The following RNFT2 variants were observed in gnomAD, a reference collection of about 807,000 sequenced individuals.
RNFT2 encodes the protein ring finger protein, transmembrane 2.
Under a neutral mutation model 53.0 loss-of-function variants are expected in RNFT2, and 36 were observed. That is an observed-to-expected ratio of 0.68 (90% confidence interval 0.52 to 0.90). The LOEUF (loss-of-function observed/expected upper bound fraction) is 0.90, where lower values mean the gene tolerates loss of function less well. Ranked by LOEUF, RNFT2 falls within the 40% of genes least tolerant of loss-of-function variation. The pLI is 0.00. For missense variants in RNFT2, 514 were observed against 585.6 expected (o/e 0.88, Z 1.26); for synonymous variants, 260 against 253.2 (o/e 1.03, Z -0.26).
intron 5 of RNFT2, chr12:116,755,730 G>C (rs1872478510): frequency 6.7e-7 from 1 of 1,485,506 alleles, no homozygotes; most frequent in Non-Finnish European, 9.3e-7. Context: ...ATTCCTTTTT[G>C]AACAGTACCC....
chr12:116,776,294 A>G (rs1379771984), intron 6 of RNFT2, among the ~76,000 whole-genome samples: 1 of 152,152 alleles, frequency 6.6e-6, no homozygotes, highest in Admixed American at 6.5e-5. Flanking sequence ...CCAAGATAAA[A>G]TGGAAAGGAT....
chr12:116,799,752 G>T (rs1001214695), intron 7 of RNFT2, among the ~76,000 whole-genome samples: 1 of 151,790 alleles, frequency 6.6e-6, no homozygotes, highest in Non-Finnish European at 1.5e-5. Flanking sequence ...AGGTCACCTC[G>T]TGTCTACTAA....
chr12:116,823,580 T>A (rs1220500859), intron 7 of RNFT2, among the ~76,000 whole-genome samples: 3 of 152,078 alleles, frequency 2.0e-5, no homozygotes, highest in Non-Finnish European at 4.4e-5. Flanking sequence ...GCTACTCTGG[T>A]GGCTGAGGCA....
rs937273256 is a variant in RNFT2 at position 116,745,150 on chromosome 12, G to A, written c.83+4056G>A. Among the ~76,000 whole-genome samples, 11 of 150,602 alleles carry A rather than the reference G, an allele frequency of 7.3e-5. No individual in the cohort carries two copies. The South Asian group carries it at 1.1e-3, about 14-fold the overall frequency. On this transcript the variant is annotated intron_variant, in intron 3 of 10. Transcript: ENST00000257575. ...GCTTGGTGAGGGAGGGAATCCAATC[G>A]TGAGTTTCCTCCATTGCACCAGATT...
chr12:116,849,640 G>A lies in RNFT2; in HGVS notation c.*192G>A. On this transcript the variant is annotated 3_prime_UTR_variant, in exon 11 of 11. Transcript: ENST00000257575. ...TCTTCCTCTCTCGTTCTGTGGTATA[G>A]TGCGTGCCTCCTTCCCCTGCAAAAG... The A allele has an allele frequency of 7.6e-7, 1 of 1,324,338 alleles. No homozygotes were observed. Among genetic ancestry groups the A allele is most frequent in the East Asian group, 2.7e-5 (1 of 37,510 alleles). 82.0% of individuals were successfully genotyped at this position (1,324,338 alleles called of 1,614,324 possible).
In RNFT2 at chr12:116,784,634, G is replaced by A. The variant is rs114097274; in HGVS notation, c.882+5286G>A. ...TTCTCATTGTTCTAGATCTCAGAGT[G>A]TAGCACCTCCCTCCACCCCACTGTT... On this transcript the variant is annotated intron_variant, in intron 7 of 10. Coordinates refer to ENST00000257575, the MANE Select transcript of RNFT2 (RefSeq NM_001382266.1). Among the ~76,000 whole-genome samples the A allele has an allele frequency of 2.1e-3, 315 of 152,214 alleles. 1 individual carries two copies. The highest frequency in any genetic ancestry group is 6.9e-3 in the African/African-American group (285 of 41,542).
At chr12:116,805,678 T>A (rs1875012729) in intron 7 of RNFT2, among the ~76,000 whole-genome samples, 1 of 152,176 alleles carries the variant, frequency 6.6e-6, no homozygotes, top group Admixed American at 6.5e-5. Context: ...TTTGCCATGT[T>A]GGCCAGGCTG....
intron 7 of RNFT2, among the ~76,000 whole-genome samples, chr12:116,785,006 G>A (rs1180234835): frequency 1.3e-5 from 2 of 152,082 alleles, no homozygotes; most frequent in Non-Finnish European, 2.9e-5. Context: ...AGCTCCACAG[G>A]TGAGGCTACA....
intron 7 of RNFT2, among the ~76,000 whole-genome samples, chr12:116,828,829 AT>A (rs1876485265): frequency 6.6e-6 from 1 of 152,092 alleles, no homozygotes; most frequent in East Asian, 1.9e-4. Flanking sequence ...GGTGCACTGA[AT>A]GTAGGGAAGA....
At chr12:116,795,771 G>C (rs1237939927) in intron 7 of RNFT2, among the ~76,000 whole-genome samples, 1 of 152,228 alleles carries the variant, frequency 6.6e-6, no homozygotes, top group Non-Finnish European at 1.5e-5. Flanking sequence ...TGTTCAGGGA[G>C]ACAGCACTGC....
intron 10 of RNFT2, among the ~76,000 whole-genome samples, chr12:116,842,932 T>C (rs1877424659): frequency 6.6e-6 from 1 of 152,120 alleles, no homozygotes; most frequent in African/African-American, 2.4e-5. Flanking sequence ...CTCACCTGCA[T>C]TCATCCACCT....
intron 4 of RNFT2, among the ~76,000 whole-genome samples, chr12:116,751,716 GTTA>G (rs1335634697): frequency 6.6e-6 from 1 of 151,948 alleles, no homozygotes; most frequent in Non-Finnish European, 1.5e-5. Flanking sequence ...TACTGTTATT[GTTA>G]TTATTAATCT....
At chr12:116,815,239 G>A (rs1420259994) in intron 7 of RNFT2, among the ~76,000 whole-genome samples, 6 of 152,214 alleles carry the variant, frequency 3.9e-5, no homozygotes, top group Non-Finnish European at 7.3e-5. Flanking sequence ...CTCCAGCCAT[G>A]CCATCCTGAC....
At chr12:116,807,105 G>A (rs1481825519) in intron 7 of RNFT2, among the ~76,000 whole-genome samples, 1 of 152,160 alleles carries the variant, frequency 6.6e-6, no homozygotes, top group Non-Finnish European at 1.5e-5. Context: ...ATGGCCCTAA[G>A]CAAAGATTGA....
chr12:116,829,606 G>A (rs900836422), intron 7 of RNFT2, among the ~76,000 whole-genome samples: 3 of 152,146 alleles, frequency 2.0e-5, no homozygotes, highest in Admixed American at 6.5e-5. Context: ...CCATCAAGAT[G>A]GAATATAAAA....
chr12:116,770,239 C>T (rs1873114005), intron 6 of RNFT2, among the ~76,000 whole-genome samples: 2 of 152,294 alleles, frequency 1.3e-5, no homozygotes, highest in South Asian at 4.1e-4. Flanking sequence ...AGTGTTTTTA[C>T]TGTGCCCTTT....
At chr12:116,776,681 T>G (rs1192656951) in intron 6 of RNFT2, among the ~76,000 whole-genome samples, 1 of 152,222 alleles carries the variant, frequency 6.6e-6, no homozygotes, top group Non-Finnish European at 1.5e-5. Flanking sequence ...AGCTGAGTAT[T>G]TCCAAAGCAT....
chr12:116,763,743 C>A (rs1178388933), intron 5 of RNFT2, among the ~76,000 whole-genome samples: 2 of 149,886 alleles, frequency 1.3e-5, no homozygotes, highest in Non-Finnish European at 3.0e-5. Flanking sequence ...CGCGCCACTG[C>A]ACTCCAGCCT....
chr12:116,783,522 C>T (rs2137122397), intron 7 of RNFT2, among the ~76,000 whole-genome samples: 1 of 152,334 alleles, frequency 6.6e-6, no homozygotes, highest in South Asian at 2.1e-4. Flanking sequence ...CAAGGTGGAC[C>T]AGCTCCTGCA....
Sources: gnomAD v4.1 joint callset for allele counts (sites outside exome capture counted in the v4.1 genomes callset) on GRCh38, gnomAD v4.1.1 for gene constraint, MANE v1.5 for transcripts, NCBI Gene and HGNC (gene_info 2026-07-23, HGNC 2026-07-21) for gene names.